NTN1: variants seen among roughly 807,000 people sequenced by gnomAD.
The protein encoded by NTN1 is netrin-1.
Under a neutral mutation model 54.2 loss-of-function variants are expected in NTN1, and 11 were observed. The observed-to-expected ratio is 0.20, with a 90% confidence interval of 0.13 to 0.34. NTN1 has a LOEUF of 0.34. Ranked by LOEUF, NTN1 falls within the 10% of genes least tolerant of loss-of-function variation. The pLI is 1.00. For missense variants in NTN1, 740 were observed against 893.1 expected (o/e 0.83, Z 2.18); for synonymous variants, 371 against 382.0 (o/e 0.97, Z 0.33).
chr17:9,234,269 A>G (rs940933467), intron 6 of NTN1, among the ~76,000 whole-genome samples: 6 of 152,302 alleles, frequency 3.9e-5, no homozygotes, highest in African/African-American at 1.4e-4. Flanking sequence ...GAACCCCAGA[A>G]TTGCTGAGAG....
intron 2 of NTN1, among the ~76,000 whole-genome samples, chr17:9,073,032 T>C (rs2092037390): frequency 6.6e-6 from 1 of 152,266 alleles, no homozygotes; most frequent in South Asian, 2.1e-4. Context: ...TAAATCACTT[T>C]TCTTCAAAGA....
chr17:9,103,633 C>T (rs1314665647), intron 2 of NTN1, among the ~76,000 whole-genome samples: 1 of 152,026 alleles, frequency 6.6e-6, no homozygotes, highest in African/African-American at 2.4e-5. Flanking sequence ...TATAAATTAC[C>T]CAGTTTCGGG....
At chr17:9,227,785 C>G (rs1440403877) in intron 6 of NTN1, among the ~76,000 whole-genome samples, 12 of 151,234 alleles carry the variant, frequency 7.9e-5, no homozygotes, top group African/African-American at 2.2e-4. Flanking sequence ...ACATACCACA[C>G]ACATATCACA....
chr17:9,212,697 G>A lies in NTN1; in HGVS notation c.1412-8471G>A, dbSNP rs996385378. ...CCAACCCTTCCAGGTTTCTCTGCCC[G>A]GGGAGGACAGACCATGTTGGCTGGG... On this transcript the variant is annotated intron_variant, in intron 5 of 6. Coordinates refer to ENST00000173229, the MANE Select transcript of NTN1 (RefSeq NM_004822.3). The surrounding 1 kb of genome is among the most constrained non-coding windows in gnomAD (Gnocchi z 5.5). Among the ~76,000 whole-genome samples, 7 of 152,166 alleles carry A rather than the reference G, an allele frequency of 4.6e-5. No homozygotes were observed. The highest frequency in any genetic ancestry group is 2.9e-5 in the Non-Finnish European group (2 of 68,038).
In NTN1 at chr17:9,074,618, G is replaced by A. The variant is rs190361331; in HGVS notation, c.1018+51227G>A. On this transcript the variant is annotated intron_variant, in intron 2 of 6. Coordinates refer to ENST00000173229, the MANE Select transcript of NTN1 (RefSeq NM_004822.3). ...CACTTTAGGAGCCACCTGGGGAGGT[G>A]AAACACTTCTTCCACTGGCCTGGAG... 3.3e-5 allele frequency among the ~76,000 whole-genome samples: 5 copies of A among 152,328 alleles called. No homozygotes were observed. In the East Asian group the frequency reaches 9.7e-4, roughly 29 times the overall value.
In NTN1 at chr17:9,121,370, G is replaced by A. The variant is rs375609190; in HGVS notation, c.1019-41443G>A. 9.9e-5 allele frequency among the ~76,000 whole-genome samples: 15 copies of A among 152,026 alleles called. No homozygotes were observed. The East Asian group carries it at 1.7e-3, about 18-fold the overall frequency. ...TTTTCCTTCCACAGTATAATATCTGGCAATTGCACCTCATCCTATTTTTGC... is the reference window on the plus strand; with the variant it reads ...TTTTCCTTCCACAGTATAATATCTGACAATTGCACCTCATCCTATTTTTGC... On this transcript the variant is annotated intron_variant, in intron 2 of 6. Transcript: ENST00000173229.
At chr17:9,167,817 A>G (rs2092377258) in intron 3 of NTN1, among the ~76,000 whole-genome samples, 1 of 152,164 alleles carries the variant, frequency 6.6e-6, no homozygotes. Flanking sequence ...ACTCCCCATG[A>G]CTTTCTCATT....
intron 3 of NTN1, chr17:9,174,774 T>A (rs1412391651): frequency 6.6e-6 from 1 of 152,300 alleles, no homozygotes; most frequent in East Asian, 1.9e-4. Flanking sequence ...CGCATCAGCA[T>A]TGTGTGTGGC....
At chr17:9,115,711 C>T (rs751012792) in intron 2 of NTN1, among the ~76,000 whole-genome samples, 5 of 152,338 alleles carry the variant, frequency 3.3e-5, no homozygotes, top group Admixed American at 6.5e-5. Flanking sequence ...TGACATTTCC[C>T]GGGGCCGCAG....
chr17:9,176,287 G>A (rs980870925), intron 3 of NTN1: 3 of 152,522 alleles, frequency 2.0e-5, no homozygotes. Context: ...GTCAATGTAT[G>A]TAGATGAGAG....
chr17:9,064,774 CTT>C (rs956111266), intron 2 of NTN1, among the ~76,000 whole-genome samples: 4 of 151,308 alleles, frequency 2.6e-5, no homozygotes, highest in Non-Finnish European at 4.4e-5. Context: ...AGTGTGATCT[CTT>C]TTTTTTTGAG....
chr17:9,234,774 A>G (rs1905924716), intron 6 of NTN1, among the ~76,000 whole-genome samples: 1 of 152,218 alleles, frequency 6.6e-6, no homozygotes, highest in Admixed American at 6.5e-5. Context: ...TGATAAAACC[A>G]GAAGCAGCAG....
chr17:9,004,495 G>T, the NTN1 span, among the ~76,000 whole-genome samples: 1 of 152,240 alleles, frequency 6.6e-6, no homozygotes, highest in East Asian at 1.9e-4. Context: ...ATCCCTTCTG[G>T]ATCCGGTGAC....
intron 3 of NTN1, among the ~76,000 whole-genome samples, chr17:9,172,483 A>C (rs910947696): frequency 1.3e-5 from 2 of 151,940 alleles, no homozygotes; most frequent in Admixed American, 1.3e-4. Flanking sequence ...CGTCTCAAAA[A>C]AAGAGAAGCT....
At position 9,114,166 on chromosome 17, in the gene NTN1, A is replaced by AAT. The variant is rs34188198; in HGVS notation, c.1019-48628_1019-48627dup. ...GCCAAAAAAAAAGAAAAAAAAAAAAAATATATATATATATATATATGATTC... is the reference window on the plus strand; with the variant it reads ...GCCAAAAAAAAAGAAAAAAAAAAAAAATATATATATATATATATATATGATTC... On this transcript the variant is annotated intron_variant, in intron 2 of 6. Transcript: ENST00000173229. Among the ~76,000 whole-genome samples the AAT allele has an allele frequency of 7.1e-3, 529 of 74,574 alleles. 23 individuals are homozygous for AAT. The highest frequency in any genetic ancestry group is 8.2e-3 in the Non-Finnish European group (329 of 40,258). The allele number at this position is 74,574 out of a possible 152,430, so 48.9% of individuals were successfully genotyped here.
chr17:9,077,206 G>T (rs2092053444), intron 2 of NTN1, among the ~76,000 whole-genome samples: 1 of 152,038 alleles, frequency 6.6e-6, no homozygotes, highest in African/African-American at 2.4e-5. Context: ...GAATGGAAAG[G>T]TTCAAAAGAA....
chr17:9,224,466 C>T (rs1024947261), intron 6 of NTN1, among the ~76,000 whole-genome samples: 2 of 152,210 alleles, frequency 1.3e-5, no homozygotes, highest in Admixed American at 6.5e-5. Context: ...ACCCGACTCC[C>T]TCATGGGTTA....
At chr17:9,146,043 G>A (rs2092312415) in intron 2 of NTN1, among the ~76,000 whole-genome samples, 1 of 152,194 alleles carries the variant, frequency 6.6e-6, no homozygotes, top group African/African-American at 2.4e-5. Context: ...CACAAGTTGG[G>A]CAGCTTGAGC....
chr17:9,124,445 G>A (rs2142264272), intron 2 of NTN1, among the ~76,000 whole-genome samples: 1 of 152,328 alleles, frequency 6.6e-6, no homozygotes, highest in Non-Finnish European at 1.5e-5. Flanking sequence ...GAAGCCGGCT[G>A]GGTGGTCTGC....
Sources: gnomAD v4.1 joint callset for allele counts (sites outside exome capture counted in the v4.1 genomes callset) on GRCh38, gnomAD v4.1.1 for gene constraint, Gnocchi (gnomAD v3.1) non-coding constraint, MANE v1.5 for transcripts, NCBI Gene and HGNC (gene_info 2026-07-23, HGNC 2026-07-21) for gene names.